Variants in FBXW11 observed in about 807,000 individuals in gnomAD.
The protein encoded by FBXW11 is F-box/WD repeat-containing protein 11.
FBXW11 carries 19 observed loss-of-function variants against 77.6 expected under a neutral mutation model. The ratio of observed to expected loss-of-function variants is 0.24; its 90% CI spans 0.17 to 0.36. The LOEUF is 0.36. FBXW11 is among the 10% of genes least tolerant of loss of function. The pLI is 1.00. For missense variants in FBXW11, 334 were observed against 704.2 expected (o/e 0.47, Z 5.95); for synonymous variants, 235 against 249.4 (o/e 0.94, Z 0.54).
At chr5:171,895,864 T>C (rs115653149) in intron 6 of FBXW11, among the ~76,000 whole-genome samples, 2,882 of 152,344 alleles carry the variant, frequency 0.019, 91 homozygotes, top group African/African-American at 0.064. Flanking sequence ...AAGGAGAATA[T>C]GGCTGCTTCT....
intron 1 of FBXW11, among the ~76,000 whole-genome samples, chr5:172,005,483 C>T (rs758828777): frequency 4.6e-5 from 7 of 152,172 alleles, no homozygotes; most frequent in Non-Finnish European, 1.0e-4. Context: ...GCAAATTCTT[C>T]ACTTCTAGCC....
intron 1 of FBXW11, among the ~76,000 whole-genome samples, chr5:171,982,103 A>AGT: frequency 6.6e-6 from 1 of 152,268 alleles, no homozygotes; most frequent in Non-Finnish European, 1.5e-5. Flanking sequence ...TGGTTATGTG[A>AGT]GTATATATAT....
Position 171,904,018 on chromosome 5 carries a change from G to A in FBXW11, c.437-3918C>T, listed in dbSNP as rs967347007. Among the ~76,000 whole-genome samples, 1 of 152,084 alleles carries A rather than the reference G, an allele frequency of 6.6e-6. No individual in the cohort carries two copies. On this transcript the variant is annotated intron_variant, in intron 4 of 13. Coordinates refer to ENST00000517395, the MANE Select transcript of FBXW11 (RefSeq NM_001378974.1). The surrounding 1 kb of genome is among the most constrained non-coding windows in gnomAD (Gnocchi z 4.0). ...ATGGCAAGACAAGGATGCATTAGGGGCTGCATGGTGGCTCACACCTGTAAT... is the reference window on the plus strand; with the variant it reads ...ATGGCAAGACAAGGATGCATTAGGGACTGCATGGTGGCTCACACCTGTAAT...
intron 2 of FBXW11, among the ~76,000 whole-genome samples, chr5:171,927,196 T>C (rs1053747905): frequency 6.6e-6 from 1 of 152,236 alleles, no homozygotes; most frequent in African/African-American, 2.4e-5. Flanking sequence ...ATTAAAATAA[T>C]TTCTGTTCAT....
chr5:171,928,626 T>C (rs1418083760), intron 2 of FBXW11, among the ~76,000 whole-genome samples: 1 of 152,238 alleles, frequency 6.6e-6, no homozygotes, highest in Non-Finnish European at 1.5e-5. Context: ...TCAACATCTA[T>C]TCATGCTTAA....
intron 9 of FBXW11, among the ~76,000 whole-genome samples, chr5:171,874,269 T>C (rs1234119012): frequency 1.3e-5 from 2 of 152,212 alleles, no homozygotes; most frequent in South Asian, 4.1e-4. Context: ...ACAAGTTGTT[T>C]AGCATCATCA....
chr5:171,902,276 G>A (rs142610224), intron 4 of FBXW11, among the ~76,000 whole-genome samples: 15 of 152,292 alleles, frequency 9.8e-5, no homozygotes, highest in Non-Finnish European at 1.8e-4. Flanking sequence ...TCATGTTCCC[G>A]TGCTGGGGTT....
intron 1 of FBXW11, among the ~76,000 whole-genome samples, chr5:171,989,034 G>A (rs1417746682): frequency 6.6e-6 from 1 of 151,082 alleles, no homozygotes; most frequent in African/African-American, 2.4e-5. Context: ...AAAATTAGCC[G>A]GGCGTGGTGG....
chr5:171,976,965 G>T (rs964899983), intron 1 of FBXW11, among the ~76,000 whole-genome samples: 2 of 151,704 alleles, frequency 1.3e-5, no homozygotes, highest in Admixed American at 6.6e-5. Context: ...AGAGTCGCTT[G>T]AACCTAGGAG....
chr5:171,930,253 A>C (rs1762099146), intron 2 of FBXW11, among the ~76,000 whole-genome samples: 1 of 152,238 alleles, frequency 6.6e-6, no homozygotes, highest in East Asian at 1.9e-4. Context: ...TACAAACAAA[A>C]GGCAAATAGA....
In FBXW11 at chr5:171,891,470, A is replaced by G; in HGVS notation, c.849T>C (p.Ile283=). 6.3e-7 allele frequency: 1 copy of G among 1,592,046 alleles called. No individual in the cohort carries two copies. The highest frequency in any genetic ancestry group is 8.5e-7 in the Non-Finnish European group (1 of 1,171,198). The change falls in exon 7 of 14, where the codon ATT becomes ATC. Residue 283 remains isoleucine, a synonymous_variant. Transcript: ENST00000517395. The stretch of plus-strand genomic sequence containing the variant: ...CATAAAAAATTCAGTCATTCACCTT[A>G]ATAGAATTATCTCGTAGGCCACTGA... ...KIISGLRDNS[I]KIWDKTSLEC... is the part of the protein sequence containing the mutation.
intron 1 of FBXW11, among the ~76,000 whole-genome samples, chr5:171,993,329 A>G (rs1170837456): frequency 6.6e-6 from 1 of 152,078 alleles, no homozygotes; most frequent in Non-Finnish European, 1.5e-5. Flanking sequence ...AAAAAACAAT[A>G]TACTCTGGGT....
At chr5:171,976,755 T>C (rs1163408767) in intron 1 of FBXW11, among the ~76,000 whole-genome samples, 1 of 152,034 alleles carries the variant, frequency 6.6e-6, no homozygotes. Flanking sequence ...CTCTAAGACA[T>C]AAATCTCTGG....
At chr5:171,926,403 C>T (rs180947925) in intron 2 of FBXW11, among the ~76,000 whole-genome samples, 42 of 152,296 alleles carry the variant, frequency 2.8e-4, no homozygotes, top group African/African-American at 9.4e-4. Flanking sequence ...GTGTCCCCAC[C>T]CAAACCTCTT....
rs574991939 is a variant in FBXW11 at position 171,990,147 on chromosome 5, G to C, written c.45+16311C>G. Among the ~76,000 whole-genome samples, 72 of 149,982 alleles carry C rather than the reference G, an allele frequency of 4.8e-4. 1 individual carries two copies. Among genetic ancestry groups the C allele is most frequent in the Admixed American group, 1.1e-3 (16 of 15,022 alleles). Reference sequence around the variant, plus strand: ...AGAAATGGGAAGGAGGGAAGAAGGGGAAAGAGGAAGAGAAGGGAGGGGGGT... The same window carrying C: ...AGAAATGGGAAGGAGGGAAGAAGGGCAAAGAGGAAGAGAAGGGAGGGGGGT... On this transcript the variant is annotated intron_variant, in intron 1 of 13. Coordinates refer to ENST00000517395, the MANE Select transcript of FBXW11 (RefSeq NM_001378974.1).
intron 1 of FBXW11, among the ~76,000 whole-genome samples, chr5:171,999,599 G>A (rs934669500): frequency 2.0e-5 from 3 of 151,924 alleles, no homozygotes; most frequent in African/African-American, 7.3e-5. Context: ...TCATTTCAGA[G>A]GGCCAAAATA....
At chr5:171,956,762 A>C (rs1217558908) in intron 2 of FBXW11, among the ~76,000 whole-genome samples, 4 of 152,230 alleles carry the variant, frequency 2.6e-5, no homozygotes, top group Non-Finnish European at 4.4e-5. Context: ...CTTTTCAAAG[A>C]TATATCAAAC....
intron 4 of FBXW11, among the ~76,000 whole-genome samples, chr5:171,902,970 A>G (rs1581175536): frequency 6.6e-6 from 1 of 152,326 alleles, no homozygotes; most frequent in Middle Eastern, 3.4e-3. Context: ...TATACTATCT[A>G]TTCTAAGCAC....
At chr5:171,991,015 G>A (rs187677646) in intron 1 of FBXW11, among the ~76,000 whole-genome samples, 5 of 152,036 alleles carry the variant, frequency 3.3e-5, no homozygotes, top group East Asian at 1.9e-4. Context: ...TAGTAGAGAC[G>A]GGGTTTCATC....
Sources: allele counts gnomAD v4.1 joint callset (sites outside exome capture counted in the v4.1 genomes callset), GRCh38; gene constraint gnomAD v4.1.1; non-coding constraint Gnocchi (gnomAD v3.1); transcripts MANE v1.5; gene names NCBI Gene and HGNC (gene_info 2026-07-23, HGNC 2026-07-21).